Variants in RIN3 observed in about 807,000 individuals in gnomAD.
RIN3 encodes RAB5 interacting protein 3.
A neutral mutation model predicts 76.3 loss-of-function variants in RIN3; 54 were observed. The observed-to-expected ratio is 0.71, with a 90% confidence interval of 0.57 to 0.89. RIN3 has a LOEUF of 0.89. RIN3 is among the 40% of genes least tolerant of loss of function. The pLI is 0.00. For missense variants in RIN3, 1,256 were observed against 1,322.1 expected (o/e 0.95, Z 0.78); for synonymous variants, 576 against 564.0 (o/e 1.02, Z -0.30).
intron 3 of RIN3, among the ~76,000 whole-genome samples, chr14:92,585,064 T>A (rs1595435746): frequency 1.3e-5 from 2 of 152,206 alleles, no homozygotes; most frequent in Non-Finnish European, 2.9e-5. Flanking sequence ...TACAGTGCGG[T>A]GGCGCAATCA....
At chr14:92,556,306 C>T (rs577089279) in intron 2 of RIN3, among the ~76,000 whole-genome samples, 41 of 151,972 alleles carry the variant, frequency 2.7e-4, no homozygotes, top group Non-Finnish European at 5.0e-4. Context: ...GCCAGGCATC[C>T]AGGGTCCAGA....
At chr14:92,553,026 T>TAA (rs55684274) in intron 1 of RIN3, among the ~76,000 whole-genome samples, 1 of 123,232 alleles carries the variant, frequency 8.1e-6, no homozygotes, top group Non-Finnish European at 1.7e-5. Context: ...GTTCTGCAGG[T>TAA]AAAAAAAAAA....
rs1053821143 is a variant in RIN3 at position 92,513,889 on chromosome 14, G to T, written c.-44G>T. 2.4e-6 allele frequency: 3 copies of T among 1,240,104 alleles called. No homozygotes were observed. The highest frequency in any genetic ancestry group is 4.2e-5 in the Admixed American group (1 of 23,560). 76.8% of individuals were successfully genotyped at this position (1,240,104 alleles called of 1,614,324 possible). A position where few individuals can be genotyped will look rare whatever the true frequency, so the allele number is the denominator to read the frequency against. On this transcript the variant is annotated 5_prime_UTR_variant, in exon 1 of 10. Transcript: ENST00000216487. ...CGGGACTCCGCGTTCCGCGCGGCCCGGCGCCTGAGCGCCTCCGTTCCCCGT... is the reference window on the plus strand; with the variant it reads ...CGGGACTCCGCGTTCCGCGCGGCCCTGCGCCTGAGCGCCTCCGTTCCCCGT...
intron 1 of RIN3, among the ~76,000 whole-genome samples, chr14:92,535,185 G>A (rs1183819363): frequency 1.3e-5 from 2 of 152,158 alleles, no homozygotes; most frequent in Non-Finnish European, 1.5e-5. Context: ...GCCAGGTCAA[G>A]CTTCTTGCTT....
At chr14:92,584,014 G>A (rs373821795) in intron 3 of RIN3, among the ~76,000 whole-genome samples, 222 of 152,300 alleles carry the variant, frequency 1.5e-3, no homozygotes, top group Non-Finnish European at 2.2e-3. Flanking sequence ...CCTGCTGTGC[G>A]CCCCGGTTCC....
chr14:92,604,322 C>T (rs543725652), intron 3 of RIN3, among the ~76,000 whole-genome samples: 66 of 152,346 alleles, frequency 4.3e-4, no homozygotes, highest in African/African-American at 1.5e-3. Flanking sequence ...CCTTTCCTGT[C>T]AGGGACCCAG....
chr14:92,596,593 T>C (rs1885155979), intron 3 of RIN3, among the ~76,000 whole-genome samples: 1 of 152,236 alleles, frequency 6.6e-6, no homozygotes, highest in Non-Finnish European at 1.5e-5. Flanking sequence ...TTATACTCTT[T>C]GTGTGGTTGT....
intron 1 of RIN3, chr14:92,515,163 GC>G (rs759968039): frequency 1.5e-6 from 1 of 685,404 alleles, no homozygotes; most frequent in South Asian, 1.5e-5. Context: ...CATCCTGCCA[GC>G]CCGGAAATTC....
chr14:92,594,866 G>A (rs991691288), intron 3 of RIN3, among the ~76,000 whole-genome samples: 26 of 152,250 alleles, frequency 1.7e-4, no homozygotes, highest in Admixed American at 6.5e-4. Flanking sequence ...AGAAGTTGGT[G>A]AGACAGGCAT....
intron 4 of RIN3, among the ~76,000 whole-genome samples, chr14:92,632,829 G>A (rs1365387985): frequency 6.6e-6 from 1 of 152,234 alleles, no homozygotes; most frequent in Non-Finnish European, 1.5e-5. Flanking sequence ...CAAACGCCTG[G>A]CAGTGGGAAA....
chr14:92,655,876 G>A (rs1025843723), intron 6 of RIN3, among the ~76,000 whole-genome samples: 6 of 152,190 alleles, frequency 3.9e-5, no homozygotes, highest in Admixed American at 1.3e-4. Context: ...AGTTCAGTTT[G>A]GGACATGACA....
intron 1 of RIN3, among the ~76,000 whole-genome samples, chr14:92,548,650 A>C (rs1897341838): frequency 6.6e-6 from 1 of 151,308 alleles, no homozygotes; most frequent in South Asian, 2.1e-4. Flanking sequence ...TCCATTCTCT[A>C]CCTCTGCCTT....
intron 3 of RIN3, among the ~76,000 whole-genome samples, chr14:92,600,837 C>T (rs1159109578): frequency 6.6e-6 from 1 of 152,174 alleles, no homozygotes; most frequent in Non-Finnish European, 1.5e-5. Flanking sequence ...TAGCAGTATC[C>T]CCGGGCTCTG....
chr14:92,679,930 T>C (rs114713420), intron 8 of RIN3, among the ~76,000 whole-genome samples: 3,675 of 152,208 alleles, frequency 0.024, 125 homozygotes, highest in South Asian at 0.08. Context: ...AGACATCAAG[T>C]TAGATTGGCA....
At chr14:92,663,504 C>T (rs775611548) in intron 7 of RIN3, among the ~76,000 whole-genome samples, 14 of 152,336 alleles carry the variant, frequency 9.2e-5, no homozygotes, top group Admixed American at 2.6e-4. Context: ...GACTCTGAGA[C>T]GTGAAGGTCA....
At chr14:92,578,106 T>A (rs993175167) in intron 3 of RIN3, among the ~76,000 whole-genome samples, 1 of 151,862 alleles carries the variant, frequency 6.6e-6, no homozygotes, top group African/African-American at 2.4e-5. Flanking sequence ...TGTGGTGGCA[T>A]GCACCTGTGG....
intron 3 of RIN3, among the ~76,000 whole-genome samples, chr14:92,606,242 A>G (rs1319604621): frequency 6.6e-6 from 1 of 152,158 alleles, no homozygotes; most frequent in African/African-American, 2.4e-5. Flanking sequence ...CATCTAGAAT[A>G]TATAAAGAAC....
chr14:92,585,751 T>C lies in RIN3; in HGVS notation c.367+8274T>C, dbSNP rs540434595. Among the ~76,000 whole-genome samples, 7 of 152,274 alleles carry C rather than the reference T, an allele frequency of 4.6e-5. No homozygotes were observed. In the East Asian group the frequency reaches 1.4e-3, roughly 29 times the overall value. On this transcript the variant is annotated intron_variant, in intron 3 of 9. Coordinates refer to ENST00000216487, the MANE Select transcript of RIN3 (RefSeq NM_024832.5). ...GCTCAAGCGATCCTCCCCAAGTTGC[T>C]GGGACTACAGGTACACGCCGCTGTG... is the stretch of plus-strand genomic sequence containing the variant.
intron 3 of RIN3, among the ~76,000 whole-genome samples, chr14:92,588,318 C>G (rs1171777055): frequency 3.5e-5 from 5 of 142,878 alleles, no homozygotes; most frequent in African/African-American, 1.0e-4. Flanking sequence ...ACTTCCGCCT[C>G]CTGGGTTCAA....
Sources: allele counts gnomAD v4.1 joint callset (sites outside exome capture counted in the v4.1 genomes callset), GRCh38; gene constraint gnomAD v4.1.1; transcripts MANE v1.5; gene names NCBI Gene and HGNC (gene_info 2026-07-23, HGNC 2026-07-21).